PEMT: variants seen among roughly 807,000 people sequenced by gnomAD.
PEMT encodes the protein phosphatidylethanolamine N-methyltransferase.
In PEMT, 23 loss-of-function variants were observed where a neutral mutation model predicts 27.4. That is an observed-to-expected ratio of 0.84 (90% confidence interval 0.60 to 1.19). PEMT has a LOEUF of 1.19. Among genes scored for constraint, PEMT ranks in the 50% most tolerant of loss-of-function variants. The probability of loss-of-function intolerance (pLI) is 0.00; values close to 1 mark genes in which losing one functional copy is unlikely to be tolerated. For synonymous variants in PEMT, 137 were observed against 139.1 expected, an observed-to-expected ratio of 0.98 and a Z score of 0.11; for missense variants, 307 against 310.1, an observed-to-expected ratio of 0.99 and a Z score of 0.07.
intron 2 of PEMT, among the ~76,000 whole-genome samples, chr17:17,558,077 T>C (rs960127755): frequency 6.6e-5 from 10 of 152,092 alleles, no homozygotes; most frequent in Admixed American, 5.2e-4. Flanking sequence ...CACAGGAGCG[T>C]ATGCTTACAG....
chr17:17,520,469 T>C (rs770907912), intron 3 of PEMT, among the ~76,000 whole-genome samples: 3 of 152,206 alleles, frequency 2.0e-5, no homozygotes, highest in Non-Finnish European at 2.9e-5. Flanking sequence ...CGGGCAACCA[T>C]TGCTTCTTTC....
chr17:17,563,380 G>T (rs1239084169), intron 2 of PEMT, among the ~76,000 whole-genome samples: 2 of 152,064 alleles, frequency 1.3e-5, no homozygotes, highest in Non-Finnish European at 2.9e-5. Flanking sequence ...TCCAATAACC[G>T]CATCCGCAGG....
intron 1 of PEMT, chr17:17,578,883 A>C (rs1911801085): frequency 6.6e-6 from 1 of 152,064 alleles, no homozygotes; most frequent in Non-Finnish European, 1.5e-5. Context: ...CTATGTACAA[A>C]CCTCCATGTT....
intron 2 of PEMT, among the ~76,000 whole-genome samples, chr17:17,562,808 C>A (rs1296220983): frequency 1.3e-5 from 2 of 151,506 alleles, no homozygotes; most frequent in African/African-American, 4.8e-5. Flanking sequence ...GAGTCTGTCT[C>A]AAGAAAAAAA....
chr17:17,542,158 T>C (rs1200632281), intron 2 of PEMT, among the ~76,000 whole-genome samples: 1 of 152,072 alleles, frequency 6.6e-6, no homozygotes, highest in African/African-American at 2.4e-5. Context: ...TTTTTGTATT[T>C]TTAGTAGAGA....
At chr17:17,517,974 C>G in intron 3 of PEMT, 3 of 985,558 alleles carry the variant, frequency 3.0e-6, no homozygotes, top group Non-Finnish European at 3.6e-6. Context: ...CTGGGAATAC[C>G]TCCAGGTTGA....
chr17:17,521,174 A>G (rs1468719321), intron 3 of PEMT, among the ~76,000 whole-genome samples: 1 of 152,224 alleles, frequency 6.6e-6, no homozygotes, highest in African/African-American at 2.4e-5. Flanking sequence ...GGGTGTGGCC[A>G]GGCACACACA....
At chr17:17,507,309 C>T in intron 5 of PEMT, 2 of 851,532 alleles carry the variant, frequency 2.3e-6, no homozygotes, top group South Asian at 1.4e-5. Context: ...AGGGGCTGTG[C>T]CCTCCTTGGC....
upstream of PEMT, chr17:17,591,921 C>T: frequency 1.0e-6 from 1 of 985,452 alleles, no homozygotes; most frequent in South Asian, 4.7e-5. Context: ...GGCCTCCCGC[C>T]CAGTGCCTTT....
At chr17:17,591,770 G>T (rs1223358356), upstream of PEMT, 17 of 1,435,388 alleles carry the variant, frequency 1.2e-5, no homozygotes, top group African/African-American at 1.4e-5. Flanking sequence ...GGGAAATGTA[G>T]TTCCCCGTCA....
chr17:17,512,474 CCTG>C lies in PEMT; in HGVS notation c.466+32_466+34del. ...TGCACCTCCCTGGGGCTCCAGCGGT[CCTG>C]CTCAGGGTCACCCCAGCCCTCAGGG... On this transcript the variant is annotated intron_variant, in intron 4 of 6. Coordinates refer to ENST00000255389, the MANE Select transcript of PEMT (RefSeq NM_148172.3). The surrounding 1 kb of genome is among the most constrained non-coding windows in gnomAD (Gnocchi z 6.3). 2 of 1,500,416 alleles carry C rather than the reference CCTG, an allele frequency of 1.3e-6. No individual in the cohort carries two copies. The highest frequency in any genetic ancestry group is 2.8e-5 in the African/African-American group (2 of 71,384). 92.9% of individuals were successfully genotyped at this position (1,500,416 alleles called of 1,614,324 possible).
At chr17:17,537,555 CTG>C (rs1359132503) in intron 2 of PEMT, among the ~76,000 whole-genome samples, 1 of 152,242 alleles carries the variant, frequency 6.6e-6, no homozygotes, top group Admixed American at 6.5e-5. Context: ...GCGAGATCCC[CTG>C]TGTGTGTGCC....
At chr17:17,564,071 G>A (rs867602325) in intron 2 of PEMT, among the ~76,000 whole-genome samples, 1 of 152,222 alleles carries the variant, frequency 6.6e-6, no homozygotes, top group Non-Finnish European at 1.5e-5. Context: ...TGGCTAAGGT[G>A]GTTTTGAGAG....
At chr17:17,568,250 G>A (rs1435003984) in intron 2 of PEMT, among the ~76,000 whole-genome samples, 1 of 152,256 alleles carries the variant, frequency 6.6e-6, no homozygotes, top group Middle Eastern at 3.4e-3. Flanking sequence ...CGTGGGCCAA[G>A]TGCTGCCCTG....
At chr17:17,541,806 C>T (rs937000005) in intron 2 of PEMT, among the ~76,000 whole-genome samples, 3 of 152,196 alleles carry the variant, frequency 2.0e-5, no homozygotes, top group Non-Finnish European at 1.5e-5. Context: ...AAGGCAGAAA[C>T]GTTTCCTCAT....
chr17:17,514,281 G>A (rs1463017093), intron 3 of PEMT, among the ~76,000 whole-genome samples: 1 of 152,230 alleles, frequency 6.6e-6, no homozygotes, highest in Non-Finnish European at 1.5e-5. Flanking sequence ...GCTTGACTGG[G>A]AGCTCTTGGG....
chr17:17,527,996 C>G (rs1048341154), intron 2 of PEMT, among the ~76,000 whole-genome samples: 1 of 152,242 alleles, frequency 6.6e-6, no homozygotes, highest in Non-Finnish European at 1.5e-5. Context: ...CCAGGGCTCC[C>G]AGCCTAGGCA....
chr17:17,536,822 G>A (rs1410091486), intron 2 of PEMT, among the ~76,000 whole-genome samples: 3 of 152,362 alleles, frequency 2.0e-5, no homozygotes, highest in South Asian at 2.1e-4. Flanking sequence ...GGAGCAGGAT[G>A]AGGCTGGCCT....
In PEMT at chr17:17,512,602, C is replaced by CG; in HGVS notation, c.372dup (p.Ala125ArgfsTer33). On this transcript the variant is annotated frameshift_variant, in exon 4 of 7. Coordinates refer to ENST00000255389, the MANE Select transcript of PEMT (RefSeq NM_148172.3). LOFTEE classifies it high-confidence loss of function. The surrounding 1 kb of genome is among the most constrained non-coding windows in gnomAD (Gnocchi z 6.3). ...AGCGCGAGGCCCAGGCTGTAGGCCGCGGGGGTGTCCAGGCTCTCCATCCTG... is the reference window on the plus strand; with the variant it reads ...AGCGCGAGGCCCAGGCTGTAGGCCGCGGGGGGTGTCCAGGCTCTCCATCCTG... The CG allele has an allele frequency of 6.2e-7, 1 of 1,600,358 alleles. No individual in the cohort carries two copies.
Sources: allele counts gnomAD v4.1 joint callset (sites outside exome capture counted in the v4.1 genomes callset), GRCh38; gene constraint gnomAD v4.1.1; non-coding constraint Gnocchi (gnomAD v3.1); transcripts MANE v1.5; gene names NCBI Gene and HGNC (gene_info 2026-07-23, HGNC 2026-07-21).